Variants in KCNIP4 observed in about 807,000 individuals in gnomAD.
KCNIP4 encodes the protein potassium voltage-gated channel interacting protein 4, also known as Kv channel-interacting protein 4.
KCNIP4 carries 12 observed loss-of-function variants against 34.0 expected under a neutral mutation model. The ratio of observed to expected loss-of-function variants is 0.35; its 90% confidence interval spans 0.23 to 0.57. The LOEUF is 0.57. KCNIP4 is among the 20% of genes least tolerant of loss of function. KCNIP4 has a pLI of 0.83. For missense variants in KCNIP4, 238 were observed against 311.7 expected, an observed-to-expected ratio of 0.76 and a Z score of 1.78; for synonymous variants, 124 against 102.2, an observed-to-expected ratio of 1.21 and a Z score of -1.29.
At chr4:21,579,087 G>T (rs2109067693) in intron 1 of KCNIP4, among the ~76,000 whole-genome samples, 1 of 152,218 alleles carries the variant, frequency 6.6e-6, no homozygotes, top group Admixed American at 6.5e-5. Flanking sequence ...ACTGATTTAA[G>T]ACTGCTTCAT....
intron 1 of KCNIP4, among the ~76,000 whole-genome samples, chr4:21,251,172 A>G (rs1164444220): frequency 1.3e-5 from 2 of 152,302 alleles, no homozygotes; most frequent in East Asian, 1.9e-4. Context: ...TTAGATTTAT[A>G]TAGTTGAAAT....
chr4:21,670,583 C>T (rs954277830), intron 1 of KCNIP4, among the ~76,000 whole-genome samples: 5 of 151,888 alleles, frequency 3.3e-5, no homozygotes, highest in African/African-American at 9.7e-5. Context: ...AAAAAAAAAT[C>T]GATCATATTG....
chr4:21,588,119 A>T (rs568935637), intron 1 of KCNIP4, among the ~76,000 whole-genome samples: 5 of 152,082 alleles, frequency 3.3e-5, no homozygotes, highest in Non-Finnish European at 7.4e-5. Context: ...ATTTAAAGAC[A>T]TATGTCATAT....
chr4:21,771,100 T>C (rs1001262804), intron 1 of KCNIP4, among the ~76,000 whole-genome samples: 1 of 152,202 alleles, frequency 6.6e-6, no homozygotes, highest in African/African-American at 2.4e-5. Context: ...CTTTAATCCA[T>C]CTTGAGTTGA....
At chr4:21,069,854 G>A (rs568210809) in intron 1 of KCNIP4, among the ~76,000 whole-genome samples, 18 of 152,224 alleles carry the variant, frequency 1.2e-4, no homozygotes, top group African/African-American at 2.6e-4. Context: ...CGACTTTGAC[G>A]TTGGTATAAT....
intron 1 of KCNIP4, among the ~76,000 whole-genome samples, chr4:21,074,228 G>A (rs945253692): frequency 2.0e-5 from 3 of 152,162 alleles, no homozygotes; most frequent in Non-Finnish European, 4.4e-5. Flanking sequence ...GCTCCTCCTT[G>A]TACCTCTGGT....
chr4:20,922,793 C>T (rs1729534851), intron 1 of KCNIP4, among the ~76,000 whole-genome samples: 1 of 152,114 alleles, frequency 6.6e-6, no homozygotes, highest in African/African-American at 2.4e-5. Flanking sequence ...AAGATGCCTA[C>T]AGCCTAAGAT....
At chr4:21,837,107 TG>T in intron 1 of KCNIP4, among the ~76,000 whole-genome samples, 1 of 150,372 alleles carries the variant, frequency 6.7e-6, no homozygotes, top group South Asian at 2.1e-4. Flanking sequence ...TTAGTAGAGA[TG>T]GGGTTTCACC....
At chr4:21,657,199 T>G (rs1270379885) in intron 1 of KCNIP4, among the ~76,000 whole-genome samples, 1 of 152,238 alleles carries the variant, frequency 6.6e-6, no homozygotes, top group African/African-American at 2.4e-5. Context: ...TGTGATCACT[T>G]GCTTTTTAAT....
intron 1 of KCNIP4, among the ~76,000 whole-genome samples, chr4:21,471,611 G>T (rs1211497756): frequency 1.3e-5 from 2 of 152,114 alleles, no homozygotes; most frequent in Non-Finnish European, 2.9e-5. Context: ...AGTTCCTATA[G>T]ATTGTAGAGA....
chr4:21,288,345 T>C lies in KCNIP4; in HGVS notation c.62-405636A>G, dbSNP rs536942727. The stretch of plus-strand genomic sequence containing the variant: ...ATGATTAGGCTATAGGCAAAACTCA[T>C]GCAAAACGTAATAAAAGGAAAAGGA... On this transcript the variant is annotated intron_variant, in intron 1 of 8. Coordinates refer to ENST00000382152, the MANE Select transcript of KCNIP4 (RefSeq NM_025221.6). Among the ~76,000 whole-genome samples, 3 of 152,082 alleles carry C rather than the reference T, an allele frequency of 2.0e-5. No homozygotes were observed. The East Asian group carries it at 5.8e-4, about 29-fold the overall frequency.
chr4:21,820,422 G>A (rs1317912335), intron 1 of KCNIP4, among the ~76,000 whole-genome samples: 2 of 150,896 alleles, frequency 1.3e-5, no homozygotes, highest in African/African-American at 4.9e-5. Flanking sequence ...GTTTATCCAT[G>A]GTCAGACAAT....
At chr4:21,532,851 T>C (rs1736803814) in intron 1 of KCNIP4, among the ~76,000 whole-genome samples, 1 of 151,988 alleles carries the variant, frequency 6.6e-6, no homozygotes, top group Admixed American at 6.6e-5. Flanking sequence ...GCGTTTGTTT[T>C]AAATTACAGG....
At chr4:20,896,277 T>G (rs1200459938) in intron 1 of KCNIP4, among the ~76,000 whole-genome samples, 2 of 152,162 alleles carry the variant, frequency 1.3e-5, no homozygotes, top group Admixed American at 6.5e-5. Flanking sequence ...GCCTGGCCCC[T>G]GTAGGAATTT....
intron 1 of KCNIP4, among the ~76,000 whole-genome samples, chr4:21,635,158 A>G (rs1047809390): frequency 1.3e-5 from 2 of 152,186 alleles, no homozygotes; most frequent in African/African-American, 4.8e-5. Context: ...GAGGTTATGA[A>G]ATCCAGTACC....
At chr4:21,233,995 G>A (rs1174014882) in intron 1 of KCNIP4, among the ~76,000 whole-genome samples, 15 of 94,772 alleles carry the variant, frequency 1.6e-4, no homozygotes, top group African/African-American at 3.3e-4. Context: ...CATATAACAT[G>A]TATAATATAT....
chr4:21,292,735 A>T, intron 1 of KCNIP4, among the ~76,000 whole-genome samples: 1 of 152,066 alleles, frequency 6.6e-6, no homozygotes, highest in East Asian at 1.9e-4. Context: ...GTTGGACACA[A>T]TATCTCTCAA....
intron 1 of KCNIP4, among the ~76,000 whole-genome samples, chr4:20,905,639 G>C (rs1727677806): frequency 6.6e-6 from 1 of 150,382 alleles, no homozygotes; most frequent in African/African-American, 2.4e-5. Flanking sequence ...AGCTTCCCGA[G>C]TAGCTGGAAC....
chr4:21,445,071 T>C (rs1191437103), intron 1 of KCNIP4, among the ~76,000 whole-genome samples: 1 of 152,134 alleles, frequency 6.6e-6, no homozygotes, highest in East Asian at 1.9e-4. Context: ...TTACAAGGGA[T>C]GTGAAGGACC....
Sources: allele counts gnomAD v4.1 joint callset (sites outside exome capture counted in the v4.1 genomes callset), GRCh38; gene constraint gnomAD v4.1.1; transcripts MANE v1.5; gene names NCBI Gene and HGNC (gene_info 2026-07-23, HGNC 2026-07-21).